The following NLGN1 variants were observed in gnomAD, a reference collection of about 807,000 sequenced individuals.
NLGN1 encodes the protein neuroligin-1.
In NLGN1, 12 loss-of-function variants were observed where a neutral mutation model predicts 65.5. The observed-to-expected ratio is 0.18, with a 90% CI of 0.12 to 0.30. NLGN1 has a LOEUF of 0.30. NLGN1 is among the 10% of genes least tolerant of loss of function. The pLI is 1.00. For missense variants in NLGN1, 750 were observed against 1,007.1 expected, an observed-to-expected ratio of 0.74 and a Z score of 3.46; for synonymous variants, 350 against 359.5, an observed-to-expected ratio of 0.97 and a Z score of 0.30.
chr3:174,049,573 G>C (rs1247200095), intron 4 of NLGN1, among the ~76,000 whole-genome samples: 1 of 152,052 alleles, frequency 6.6e-6, no homozygotes, highest in African/African-American at 2.4e-5. Context: ...GCAAATAATA[G>C]TGGACCCTAA....
chr3:173,447,567 T>A (rs530806860), intron 2 of NLGN1, among the ~76,000 whole-genome samples: 1 of 152,328 alleles, frequency 6.6e-6, no homozygotes, highest in East Asian at 1.9e-4. Flanking sequence ...TGGTCCCATA[T>A]GAACTTTAGT....
intron 3 of NLGN1, among the ~76,000 whole-genome samples, chr3:173,712,731 A>T (rs1363795571): frequency 2.4e-4 from 37 of 152,158 alleles, no homozygotes; most frequent in Admixed American, 2.4e-3. Flanking sequence ...ACAAATGAAG[A>T]TTAAACAAAA....
At chr3:174,147,296 C>T (rs1207435125) in intron 4 of NLGN1, among the ~76,000 whole-genome samples, 1 of 152,070 alleles carries the variant, frequency 6.6e-6, no homozygotes, top group Admixed American at 6.6e-5. Flanking sequence ...AGCGCACGGG[C>T]CCCACCTACA....
intron 1 of NLGN1, among the ~76,000 whole-genome samples, chr3:173,419,017 C>CTTTTTTTTTTTTT (rs1714402944): frequency 8.9e-5 from 1 of 11,284 alleles, no homozygotes; most frequent in African/African-American, 3.8e-4. Flanking sequence ...CTTTCTTCTT[C>CTTTTTTTTTTTTT]TTCTTTTTTT....
At chr3:173,602,426 T>C (rs1750696071) in intron 2 of NLGN1, among the ~76,000 whole-genome samples, 2 of 151,960 alleles carry the variant, frequency 1.3e-5, no homozygotes, top group Admixed American at 1.3e-4. Context: ...ATGGGATATT[T>C]TTGTAACCTC....
chr3:173,452,637 C>T (rs1407756123), intron 2 of NLGN1, among the ~76,000 whole-genome samples: 2 of 152,084 alleles, frequency 1.3e-5, no homozygotes, highest in Non-Finnish European at 2.9e-5. Flanking sequence ...ACTTATCATT[C>T]CATAGTAGAG....
rs201433593 is a variant in NLGN1 at position 173,541,932 on chromosome 3, C to A, written c.-320-62347C>A. The stretch of plus-strand genomic sequence containing the variant: ...TCTTTTTGCTGGGCATTTGATGGAC[C>A]CTATCAACCAAAAAGTTAAATCCCT... On this transcript the variant is annotated intron_variant, in intron 2 of 6. Coordinates refer to ENST00000457714, the Ensembl canonical transcript of NLGN1. 5.3e-5 allele frequency among the ~76,000 whole-genome samples: 8 copies of A among 151,846 alleles called. No homozygotes were observed. The East Asian group carries it at 1.4e-3, about 26-fold the overall frequency.
At chr3:173,930,726 G>A (rs1401684194) in intron 4 of NLGN1, among the ~76,000 whole-genome samples, 3 of 152,160 alleles carry the variant, frequency 2.0e-5, no homozygotes, top group Non-Finnish European at 2.9e-5. Flanking sequence ...TAATAAAAGA[G>A]AACACAGTGT....
chr3:174,217,502 T>C (rs978892551), intron 4 of NLGN1, among the ~76,000 whole-genome samples: 3 of 152,024 alleles, frequency 2.0e-5, no homozygotes, highest in Admixed American at 1.3e-4. Flanking sequence ...GAGCCCTCTA[T>C]CAGGTTGCAG....
chr3:173,889,581 A>G (rs1936222336), intron 4 of NLGN1, among the ~76,000 whole-genome samples: 1 of 152,162 alleles, frequency 6.6e-6, no homozygotes, highest in Admixed American at 6.6e-5. Context: ...TGTTGTTGTT[A>G]AATGATGTTT....
chr3:173,613,568 A>G (rs887675076), intron 3 of NLGN1, among the ~76,000 whole-genome samples: 3 of 152,186 alleles, frequency 2.0e-5, no homozygotes, highest in African/African-American at 7.2e-5. Flanking sequence ...GGTTGCTTAT[A>G]TGCAAACATG....
intron 3 of NLGN1, among the ~76,000 whole-genome samples, chr3:173,768,019 G>A (rs919648226): frequency 1.4e-4 from 21 of 151,864 alleles, no homozygotes; most frequent in African/African-American, 4.8e-4. Flanking sequence ...TAAGTAAGTT[G>A]TTAATAAGAA....
intron 4 of NLGN1, among the ~76,000 whole-genome samples, chr3:174,226,014 G>A (rs1467213432): frequency 6.6e-6 from 1 of 151,976 alleles, no homozygotes; most frequent in East Asian, 1.9e-4. Flanking sequence ...GATTTCCATA[G>A]TTTTCTCTTT....
chr3:174,034,752 GA>G (rs1272402327), intron 4 of NLGN1, among the ~76,000 whole-genome samples: 7 of 152,006 alleles, frequency 4.6e-5, no homozygotes, highest in African/African-American at 1.7e-4. Flanking sequence ...AGAAAATGCA[GA>G]AAAAATTTGA....
At position 173,752,912 on chromosome 3, in the gene NLGN1, C is replaced by T. The variant is rs1041524169; in HGVS notation, c.494-54768C>T. On this transcript the variant is annotated intron_variant, in intron 3 of 6. Transcript: ENST00000457714. Reference sequence around the variant, plus strand: ...ACATAGAAGCAATTATAGGGAATGTCCACTCTCCTCCGATACCTACCATCT... The same window carrying T: ...ACATAGAAGCAATTATAGGGAATGTTCACTCTCCTCCGATACCTACCATCT... 2.6e-5 allele frequency among the ~76,000 whole-genome samples: 4 copies of T among 152,048 alleles called. No individual in the cohort carries two copies. The East Asian group carries it at 5.8e-4, about 22-fold the overall frequency.
chr3:173,906,752 G>GA, intron 4 of NLGN1, among the ~76,000 whole-genome samples: 1 of 151,924 alleles, frequency 6.6e-6, no homozygotes, highest in East Asian at 1.9e-4. Flanking sequence ...TCAAGAGGCT[G>GA]ACACAGGAGG....
intron 4 of NLGN1, among the ~76,000 whole-genome samples, chr3:173,840,220 A>G (rs1417230208): frequency 2.0e-5 from 3 of 152,292 alleles, no homozygotes; most frequent in East Asian, 1.9e-4. Context: ...AAAGGGGACA[A>G]AGTCTTCCCA....
rs1282703597 is a variant in NLGN1 at position 173,850,388 on chromosome 3, TTC to T, written c.646+42564_646+42565del. On this transcript the variant is annotated intron_variant, in intron 4 of 6. Transcript: ENST00000457714. ...TTCTGAAAGGTCCCTGGGGCACAAGTTCTCTCTCTTCTTAAAAATCACTGTGT... is the reference window on the plus strand; with the variant it reads ...TTCTGAAAGGTCCCTGGGGCACAAGTTCTCTCTTCTTAAAAATCACTGTGT... Among the ~76,000 whole-genome samples, 7 of 152,304 alleles carry T rather than the reference TTC, an allele frequency of 4.6e-5. No homozygotes were observed. The East Asian group carries it at 1.4e-3, about 29-fold the overall frequency.
At chr3:173,503,089 T>C (rs1731421508) in intron 2 of NLGN1, among the ~76,000 whole-genome samples, 1 of 151,956 alleles carries the variant, frequency 6.6e-6, no homozygotes, top group African/African-American at 2.4e-5. Context: ...ATGTTGTGTG[T>C]GTGTGTGTGT....
Sources: allele counts gnomAD v4.1 joint callset (sites outside exome capture counted in the v4.1 genomes callset), GRCh38; gene constraint gnomAD v4.1.1; transcripts MANE v1.5; gene names NCBI Gene and HGNC (gene_info 2026-07-23, HGNC 2026-07-21).